Variants in HMBOX1 observed in about 807,000 individuals in gnomAD.
HMBOX1 encodes the protein homeobox containing 1.
A neutral mutation model predicts 54.5 loss-of-function variants in HMBOX1; 14 were observed. The observed-to-expected ratio is 0.26, with a 90% CI of 0.17 to 0.40. HMBOX1 has a LOEUF of 0.40. Ranked by LOEUF, HMBOX1 falls within the 10% of genes least tolerant of loss-of-function variation. The probability of loss-of-function intolerance (pLI) is 1.00; values close to 1 mark genes in which losing one functional copy is unlikely to be tolerated. For synonymous variants in HMBOX1, 160 were observed against 181.0 expected, an observed-to-expected ratio of 0.88 and a Z score of 0.93; for missense variants, 332 against 514.4, an observed-to-expected ratio of 0.65 and a Z score of 3.43.
chr8:28,972,271 G>T (rs1331762024), intron 3 of HMBOX1, among the ~76,000 whole-genome samples: 1 of 152,136 alleles, frequency 6.6e-6, no homozygotes, highest in Non-Finnish European at 1.5e-5. Context: ...GAAGTGCAGT[G>T]GTGCGATCTC....
In HMBOX1 at chr8:29,051,653, G is replaced by A. The variant is rs1806441048; in HGVS notation, c.*498G>A. Reference sequence around the variant, plus strand: ...AACACTAGAATCCCCACCTCAGCGTGAGGATAATTGATTTCCAGCTGCAAT... The same window carrying A: ...AACACTAGAATCCCCACCTCAGCGTAAGGATAATTGATTTCCAGCTGCAAT... On this transcript the variant is annotated 3_prime_UTR_variant, in exon 10 of 10. Transcript: ENST00000287701. 2.9e-6 allele frequency: 2 copies of A among 701,354 alleles called. No homozygotes were observed. Among genetic ancestry groups the A allele is most frequent in the East Asian group, 5.4e-5 (2 of 37,208 alleles). The allele number at this position is 701,354 out of a possible 1,614,324, so 43.4% of individuals were successfully genotyped here.
intron 6 of HMBOX1, among the ~76,000 whole-genome samples, chr8:29,040,603 AGTAGCAT>A (rs1421632166): frequency 2.6e-5 from 4 of 152,192 alleles, no homozygotes; most frequent in African/African-American, 9.6e-5. Context: ...CTCCAGCTAG[AGTAGCAT>A]GTTTCAATGA....
At chr8:29,030,322 A>AT (rs1802754248) in intron 6 of HMBOX1, among the ~76,000 whole-genome samples, 1 of 151,714 alleles carries the variant, frequency 6.6e-6, no homozygotes, top group Non-Finnish European at 1.5e-5. Flanking sequence ...GGTTCAAGTG[A>AT]TTCTCCTGCC....
intron 3 of HMBOX1, among the ~76,000 whole-genome samples, chr8:28,976,664 G>A (rs1266344496): frequency 1.3e-5 from 2 of 150,604 alleles, no homozygotes; most frequent in Non-Finnish European, 3.0e-5. Flanking sequence ...AAGCTCTCTG[G>A]TAAAACAGTG....
chr8:28,929,482 A>G (rs1819099277), intron 1 of HMBOX1, among the ~76,000 whole-genome samples: 2 of 152,196 alleles, frequency 1.3e-5, no homozygotes, highest in Non-Finnish European at 1.5e-5. Flanking sequence ...AATGCCAGAA[A>G]TATTTAGGAT....
chr8:28,933,049 G>A (rs747636017), intron 1 of HMBOX1, among the ~76,000 whole-genome samples: 2 of 152,232 alleles, frequency 1.3e-5, no homozygotes, highest in Admixed American at 6.5e-5. Flanking sequence ...TTATAAAAGC[G>A]GGTCCAAGTC....
intron 3 of HMBOX1, among the ~76,000 whole-genome samples, chr8:28,979,234 A>C (rs1053797842): frequency 4.6e-5 from 7 of 152,322 alleles, no homozygotes; most frequent in African/African-American, 1.7e-4. Context: ...TTAAGAGTTT[A>C]ACTATAATTT....
chr8:28,917,486 A>C (rs1245715141), intron 1 of HMBOX1, among the ~76,000 whole-genome samples: 1 of 152,182 alleles, frequency 6.6e-6, no homozygotes, highest in African/African-American at 2.4e-5. Context: ...CATGACAATC[A>C]CATTGCGTAT....
At chr8:28,945,944 C>CT (rs58698981) in intron 1 of HMBOX1, among the ~76,000 whole-genome samples, 14,338 of 129,206 alleles carry the variant, frequency 0.11, 819 homozygotes, top group Middle Eastern at 0.19. Context: ...AGGGCATATT[C>CT]TTTTTTTTTT....
At chr8:28,998,463 C>CA (rs1832174666) in intron 4 of HMBOX1, among the ~76,000 whole-genome samples, 1 of 152,026 alleles carries the variant, frequency 6.6e-6, no homozygotes, top group Non-Finnish European at 1.5e-5. Context: ...ATTTAACTGT[C>CA]ACTCAAGTTC....
chr8:28,936,123 T>A (rs1255100472), intron 1 of HMBOX1, among the ~76,000 whole-genome samples: 2 of 152,154 alleles, frequency 1.3e-5, no homozygotes, highest in Non-Finnish European at 2.9e-5. Context: ...TATGAAAAGA[T>A]GTCTCTTTTT....
In HMBOX1 at chr8:28,890,743, TA is replaced by T. The variant is rs796355852; in HGVS notation, c.-58+69del. 6.5e-5 allele frequency: 10 copies of T among 152,812 alleles called. 1 individual carries two copies. The highest frequency in any genetic ancestry group is 2.4e-4 in the African/African-American group (10 of 41,592). 9.5% of individuals were successfully genotyped at this position (152,812 alleles called of 1,614,324 possible). On this transcript the variant is annotated intron_variant, in intron 1 of 9. Coordinates refer to ENST00000287701, the MANE Select transcript of HMBOX1 (RefSeq NM_001135726.3). ...CTTTCCTCACTTCTTTCTCTTCACT[TA>T]AAACAATTTTTTTGGAGGGGTTTTG...
chr8:29,009,639 TCTAA>T, intron 5 of HMBOX1: 1 of 1,249,598 alleles, frequency 8.0e-7, no homozygotes, highest in Non-Finnish European at 1.0e-6. Context: ...TTTTTTTTTT[TCTAA>T]TTCTAATGAC....
chr8:28,928,571 C>T (rs1818951563), intron 1 of HMBOX1, among the ~76,000 whole-genome samples: 1 of 152,174 alleles, frequency 6.6e-6, no homozygotes, highest in South Asian at 2.1e-4. Flanking sequence ...AGGTTCATTT[C>T]AGAATTATTC....
chr8:28,890,132 C>T, upstream of HMBOX1: 1 of 539,648 alleles, frequency 1.9e-6, no homozygotes, highest in South Asian at 2.0e-5. Context: ...TTCATCCCAG[C>T]CGCCAATGCA....
At chr8:28,893,555 A>G (rs1488783523) in intron 1 of HMBOX1, among the ~76,000 whole-genome samples, 1 of 152,186 alleles carries the variant, frequency 6.6e-6, no homozygotes, top group Non-Finnish European at 1.5e-5. Flanking sequence ...GAATGCCTTT[A>G]GTGAGGCTTC....
chr8:28,939,943 G>A (rs918218355), intron 1 of HMBOX1, among the ~76,000 whole-genome samples: 1 of 152,070 alleles, frequency 6.6e-6, no homozygotes, highest in African/African-American at 2.4e-5. Context: ...GGTCTTTTAC[G>A]CATGATGTTC....
At position 29,018,092 on chromosome 8, in the gene HMBOX1, T is replaced by G. The variant is rs374418434; in HGVS notation, c.698-668T>G. 5.3e-5 allele frequency among the ~76,000 whole-genome samples: 8 copies of G among 152,280 alleles called. No homozygotes were observed. In the East Asian group the frequency reaches 7.7e-4, roughly 15 times the overall value. ...AGAGTGGGGTAGCCAGGGACTGAAC[T>G]CTATGAAAGCATACCAAGTTACATT... On this transcript the variant is annotated intron_variant, in intron 5 of 9. Coordinates refer to ENST00000287701, the MANE Select transcript of HMBOX1 (RefSeq NM_001135726.3).
chr8:29,050,056 A>T (rs1806209566), intron 9 of HMBOX1: 1 of 166,888 alleles, frequency 6.0e-6, no homozygotes, highest in African/African-American at 2.4e-5. Context: ...ACTCTAGTTA[A>T]TAGCCCCAAG....
Sources: gnomAD v4.1 joint callset for allele counts (sites outside exome capture counted in the v4.1 genomes callset) on GRCh38, gnomAD v4.1.1 for gene constraint, MANE v1.5 for transcripts, NCBI Gene and HGNC (gene_info 2026-07-23, HGNC 2026-07-21) for gene names.